KPNA6: variants seen among roughly 807,000 people sequenced by gnomAD.
KPNA6 encodes the protein karyopherin subunit alpha 6.
KPNA6 carries 9 observed loss-of-function variants against 72.0 expected under a neutral mutation model. The observed-to-expected ratio is 0.13, with a 90% CI of 0.08 to 0.22. The LOEUF (loss-of-function observed/expected upper bound fraction) is 0.22, where lower values mean the gene tolerates loss of function less well. KPNA6 is among the 10% of genes least tolerant of loss of function. The pLI, the probability that KPNA6 is intolerant of heterozygous loss-of-function variation, is 1.00. For missense variants in KPNA6, 374 were observed against 655.7 expected (o/e 0.57, Z 4.69); for synonymous variants, 219 against 242.1 (o/e 0.90, Z 0.89).
intron 1 of KPNA6, among the ~76,000 whole-genome samples, chr1:32,138,989 C>G (rs1641791171): frequency 1.3e-5 from 2 of 152,070 alleles, no homozygotes; most frequent in Non-Finnish European, 2.9e-5. Flanking sequence ...CTGTAGTCTG[C>G]TTTTGGAGGG....
intron 1 of KPNA6, among the ~76,000 whole-genome samples, chr1:32,139,287 T>C (rs1169408795): frequency 2.0e-5 from 3 of 151,998 alleles, no homozygotes; most frequent in East Asian, 1.9e-4. Context: ...CTGACAAAAA[T>C]AGGGTAACTT....
At chr1:32,152,870 A>T (rs957258806) in intron 1 of KPNA6, among the ~76,000 whole-genome samples, 13 of 149,682 alleles carry the variant, frequency 8.7e-5, no homozygotes, top group African/African-American at 2.0e-4. Context: ...AAAATAAAAA[A>T]AATTAGCCCT....
At chr1:32,162,973 G>A (rs1051784184) in intron 9 of KPNA6, among the ~76,000 whole-genome samples, 1 of 143,672 alleles carries the variant, frequency 7.0e-6, no homozygotes, top group Non-Finnish European at 1.5e-5. Flanking sequence ...GCGTGGTGGC[G>A]GGCACCTGTA....
intron 1 of KPNA6, among the ~76,000 whole-genome samples, chr1:32,115,177 C>T (rs1244509200): frequency 6.6e-6 from 1 of 151,884 alleles, no homozygotes. Context: ...TCTCTGTTGC[C>T]CAGGCTGGAA....
chr1:32,123,489 C>G (rs1475342021), intron 1 of KPNA6, among the ~76,000 whole-genome samples: 2 of 151,916 alleles, frequency 1.3e-5, no homozygotes, highest in Non-Finnish European at 2.9e-5. Context: ...GTCTGTAATC[C>G]CAGCACTATG....
Position 32,158,292 on chromosome 1 carries a change from T to C in KPNA6, c.357T>C (p.Val119=), listed in dbSNP as rs2124070261. 1 of 1,613,156 alleles carries C rather than the reference T, an allele frequency of 6.2e-7. No individual in the cohort carries two copies. The highest frequency in any genetic ancestry group is 2.2e-5 in the East Asian group (1 of 44,868). ...SKEPSPPIDE[V]INTPRVVDRF... ...AGCCTAGTCCTCCAATAGATGAAGT[T>C]ATCAACACTCCAAGAGTGGTGGATC... is the stretch of plus-strand genomic sequence containing the variant. The change falls in exon 5 of 14, where the codon GTT becomes GTC. Residue 119 remains valine (V), a synonymous_variant. Coordinates refer to ENST00000373625, the MANE Select transcript of KPNA6 (RefSeq NM_012316.5).
chr1:32,152,529 A>G (rs979687280), intron 1 of KPNA6, among the ~76,000 whole-genome samples: 3 of 152,168 alleles, frequency 2.0e-5, no homozygotes, highest in Admixed American at 6.6e-5. Context: ...GGAAATTTAT[A>G]AGCCTTAGAA....
intron 1 of KPNA6, 59 bp from the exon 2 acceptor site, chr1:32,154,529 A>G (rs1433293626): frequency 6.3e-7 from 1 of 1,577,324 alleles, no homozygotes; most frequent in African/African-American, 1.4e-5. Flanking sequence ...ATAGAAGTCT[A>G]GTGAAAAGGA....
At chr1:32,148,570 C>CTT (rs1354307948) in intron 1 of KPNA6, among the ~76,000 whole-genome samples, 3 of 117,606 alleles carry the variant, frequency 2.6e-5, no homozygotes, top group Non-Finnish European at 3.6e-5. Context: ...TTTTTTTTTT[C>CTT]TTTTTTTTTT....
intron 12 of KPNA6, among the ~76,000 whole-genome samples, chr1:32,168,024 A>T (rs1642370809): frequency 1.3e-5 from 2 of 152,054 alleles, no homozygotes; most frequent in Admixed American, 6.5e-5. Context: ...AAAAATTAGC[A>T]GGTTGTAGTG....
Position 32,174,244 on chromosome 1 carries a change from C to CA in KPNA6, c.*3350_*3351insA, listed in dbSNP as rs1642489466. The CA allele has an allele frequency of 1.3e-5, 2 of 152,346 alleles. No homozygotes were observed. The highest frequency in any genetic ancestry group is 4.1e-4 in the South Asian group (2 of 4,830). 9.4% of individuals were successfully genotyped at this position (152,346 alleles called of 1,614,324 possible). A position where few individuals can be genotyped will look rare whatever the true frequency, so the allele number is the denominator to read the frequency against. On this transcript the variant is annotated 3_prime_UTR_variant, in exon 14 of 14. Coordinates refer to ENST00000373625, the MANE Select transcript of KPNA6 (RefSeq NM_012316.5). ...CTTACCTAGAGCCCATTAATCTACC[C>CA]CATCAACTCTCTGCCATGAAAGCCA...
intron 1 of KPNA6, among the ~76,000 whole-genome samples, chr1:32,147,806 T>C (rs906188624): frequency 6.6e-6 from 1 of 151,636 alleles, no homozygotes; most frequent in African/African-American, 2.4e-5. Flanking sequence ...ATTACAGACA[T>C]ACACCACCAT....
In KPNA6 at chr1:32,171,890, T is replaced by C. The variant is rs1183208265; in HGVS notation, c.*996T>C. 1.3e-5 allele frequency: 2 copies of C among 152,306 alleles called. No homozygotes were observed. Among genetic ancestry groups the C allele is most frequent in the East Asian group, 3.9e-4 (2 of 5,176 alleles). The allele number at this position is 152,306 out of a possible 1,614,324, so 9.4% of individuals were successfully genotyped here. A position where few individuals can be genotyped will look rare whatever the true frequency, so the allele number is the denominator to read the frequency against. On this transcript the variant is annotated 3_prime_UTR_variant, in exon 14 of 14. Transcript: ENST00000373625. ...TTCCTTTCTCCTGAGGAGAAAGTCC[T>C]TGCTCTGGTGACCTGTAAGTTGCAG...
chr1:32,127,904 C>G (rs1158015472), intron 1 of KPNA6, among the ~76,000 whole-genome samples: 1 of 152,058 alleles, frequency 6.6e-6, no homozygotes, highest in African/African-American at 2.4e-5. Context: ...TGTAAAGCTT[C>G]CTGAAGGTAG....
intron 1 of KPNA6, among the ~76,000 whole-genome samples, chr1:32,132,052 C>A (rs186350827): frequency 6.6e-6 from 1 of 151,622 alleles, no homozygotes; most frequent in Non-Finnish European, 1.5e-5. Flanking sequence ...CTCACTGCAA[C>A]CTCCGCTTTC....
chr1:32,159,929 T>C (rs897033728), intron 6 of KPNA6, among the ~76,000 whole-genome samples: 3 of 152,224 alleles, frequency 2.0e-5, no homozygotes, highest in Non-Finnish European at 4.4e-5. Context: ...ATTTCTCCCA[T>C]TGAATTCTTA....
chr1:32,108,249 T>A, intron 1 of KPNA6, 115 bp downstream of exon 1: 1 of 1,456,178 alleles, frequency 6.9e-7, no homozygotes, highest in Non-Finnish European at 9.6e-7. Context: ...TCTAGCTAGG[T>A]CTGAGGGGAA....
chr1:32,137,699 A>G lies in KPNA6; in HGVS notation c.5-16889A>G, dbSNP rs113320247. 2.6e-4 allele frequency among the ~76,000 whole-genome samples: 39 copies of G among 152,324 alleles called. 1 individual carries two copies. Among genetic ancestry groups the G allele is most frequent in the African/African-American group, 9.1e-4 (38 of 41,570 alleles). ...AATAATCTAGAAGTGAGAGGTGATGAGGGTGTAAACTAAAATTTATTGGAG... is the reference window on the plus strand; with the variant it reads ...AATAATCTAGAAGTGAGAGGTGATGGGGGTGTAAACTAAAATTTATTGGAG... On this transcript the variant is annotated intron_variant, in intron 1 of 13. Transcript: ENST00000373625.
intron 1 of KPNA6, among the ~76,000 whole-genome samples, chr1:32,139,252 T>C (rs144327033): frequency 1.3e-5 from 2 of 152,256 alleles, no homozygotes; most frequent in Non-Finnish European, 2.9e-5. Flanking sequence ...GGAATTAGTA[T>C]AATGAAAGAA....
Sources: gnomAD v4.1 joint callset for allele counts (sites outside exome capture counted in the v4.1 genomes callset) on GRCh38, gnomAD v4.1.1 for gene constraint, MANE v1.5 for transcripts, NCBI Gene and HGNC (gene_info 2026-07-23, HGNC 2026-07-21) for gene names.